The following GRAMD1B variants were observed in gnomAD, a reference collection of about 807,000 sequenced individuals.
The protein encoded by GRAMD1B is protein Aster-B.
A neutral mutation model predicts 99.7 loss-of-function variants in GRAMD1B; 37 were observed. The observed-to-expected ratio is 0.37, with a 90% CI of 0.29 to 0.49. GRAMD1B has a LOEUF of 0.49. Ranked by LOEUF, GRAMD1B falls within the 20% of genes least tolerant of loss-of-function variation. The pLI is 0.98. For synonymous variants in GRAMD1B, 427 were observed against 387.6 expected (o/e 1.10, Z -1.19); for missense variants, 888 against 1,009.2 (o/e 0.88, Z 1.63).
intron 1 of GRAMD1B, among the ~76,000 whole-genome samples, chr11:123,423,670 T>C (rs1318327967): frequency 6.6e-6 from 1 of 152,216 alleles, no homozygotes; most frequent in African/African-American, 2.4e-5. Flanking sequence ...GTCTTTCTTC[T>C]GCCTGACTTC....
At chr11:123,576,458 A>G (rs1046143688) in intron 2 of GRAMD1B, among the ~76,000 whole-genome samples, 1 of 152,192 alleles carries the variant, frequency 6.6e-6, no homozygotes, top group Non-Finnish European at 1.5e-5. Context: ...CAAAGCAAAC[A>G]TTCAACTGCA....
intron 1 of GRAMD1B, among the ~76,000 whole-genome samples, chr11:123,379,984 A>G (rs1169768260): frequency 6.6e-6 from 1 of 152,166 alleles, no homozygotes; most frequent in Non-Finnish European, 1.5e-5. Context: ...ATTTGTATCT[A>G]TTCTTTTGAG....
At chr11:123,453,300 A>G (rs1004800552) in intron 1 of GRAMD1B, among the ~76,000 whole-genome samples, 5 of 151,838 alleles carry the variant, frequency 3.3e-5, no homozygotes, top group African/African-American at 1.2e-4. Flanking sequence ...AAATATAAGT[A>G]TATATGTATA....
At chr11:123,440,342 CTCTACTAAA>C (rs1949349572) in intron 1 of GRAMD1B, among the ~76,000 whole-genome samples, 1 of 152,090 alleles carries the variant, frequency 6.6e-6, no homozygotes, top group Non-Finnish European at 1.5e-5. Flanking sequence ...GAAACCCCGT[CTCTACTAAA>C]ATACAAAAAT....
chr11:123,481,562 G>A (rs1030412338), intron 2 of GRAMD1B, among the ~76,000 whole-genome samples: 2 of 152,238 alleles, frequency 1.3e-5, no homozygotes, highest in Non-Finnish European at 2.9e-5. Flanking sequence ...TTTTGTGCCT[G>A]AGGAAGCTGC....
At chr11:123,413,330 A>G (rs1447165336) in intron 1 of GRAMD1B, among the ~76,000 whole-genome samples, 2 of 152,096 alleles carry the variant, frequency 1.3e-5, no homozygotes, top group African/African-American at 4.8e-5. Flanking sequence ...TATTCTGTCC[A>G]TGGGAGAGAT....
At chr11:123,390,028 A>G (rs565128248) in intron 1 of GRAMD1B, among the ~76,000 whole-genome samples, 1 of 152,116 alleles carries the variant, frequency 6.6e-6, no homozygotes, top group South Asian at 2.1e-4. Flanking sequence ...AAGTGCTGGG[A>G]TTACAGGTGT....
chr11:123,582,579 G>A (rs1268361953), intron 3 of GRAMD1B, among the ~76,000 whole-genome samples: 1 of 152,110 alleles, frequency 6.6e-6, no homozygotes, highest in African/African-American at 2.4e-5. Flanking sequence ...CCTGGCCATC[G>A]AGGGCATGTG....
At chr11:123,382,219 T>C (rs931517507) in intron 1 of GRAMD1B, among the ~76,000 whole-genome samples, 1 of 152,146 alleles carries the variant, frequency 6.6e-6, no homozygotes, top group African/African-American at 2.4e-5. Context: ...TAAATTAGGT[T>C]CCTAATCACA....
intron 1 of GRAMD1B, among the ~76,000 whole-genome samples, chr11:123,379,967 A>G (rs1476391544): frequency 6.6e-6 from 1 of 152,170 alleles, no homozygotes; most frequent in African/African-American, 2.4e-5. Flanking sequence ...AAATGTACTT[A>G]TCGACCATTT....
chr11:123,533,113 G>A (rs892310805), intron 2 of GRAMD1B, among the ~76,000 whole-genome samples: 11 of 152,184 alleles, frequency 7.2e-5, no homozygotes, highest in Admixed American at 5.9e-4. Context: ...GGGATTACAG[G>A]CATGCACCAC....
chr11:123,389,951 T>C (rs1263999102), intron 1 of GRAMD1B, among the ~76,000 whole-genome samples: 1 of 152,104 alleles, frequency 6.6e-6, no homozygotes, highest in Non-Finnish European at 1.5e-5. Context: ...GAGACAGGGT[T>C]TCACCATGTT....
intron 1 of GRAMD1B, among the ~76,000 whole-genome samples, chr11:123,409,715 C>A (rs961359626): frequency 3.3e-5 from 5 of 152,120 alleles, no homozygotes; most frequent in Admixed American, 2.0e-4. Context: ...TTCCTGCAAA[C>A]AAGGGCCTGT....
At chr11:123,616,756 G>T (rs1001545) in intron 17 of GRAMD1B, among the ~76,000 whole-genome samples, 50,878 of 152,130 alleles carry the variant, frequency 0.33, 9,859 homozygotes, top group South Asian at 0.5. Flanking sequence ...CAACTGCGCA[G>T]GCTTCACTTA....
intron 3 of GRAMD1B, among the ~76,000 whole-genome samples, chr11:123,583,031 AATGT>A (rs1949564557): frequency 1.3e-5 from 2 of 148,616 alleles, no homozygotes; most frequent in Non-Finnish European, 3.0e-5. Flanking sequence ...TATGTGTGTG[AATGT>A]ATGTGTGTAT....
At chr11:123,367,700 T>C (rs1203630484) in intron 1 of GRAMD1B, among the ~76,000 whole-genome samples, 1 of 152,092 alleles carries the variant, frequency 6.6e-6, no homozygotes, top group Non-Finnish European at 1.5e-5. Flanking sequence ...TTTTTCTTTT[T>C]TTTTTTTAGC....
intron 7 of GRAMD1B, chr11:123,599,496 G>A (rs527815319): frequency 7.1e-5 from 41 of 573,924 alleles, no homozygotes; most frequent in East Asian, 1.2e-4. Flanking sequence ...TTTTTGAGGC[G>A]CAGTCTCACT....
At chr11:123,444,635 A>AT (rs1949556498) in intron 1 of GRAMD1B, among the ~76,000 whole-genome samples, 1 of 151,670 alleles carries the variant, frequency 6.6e-6, no homozygotes, top group African/African-American at 2.4e-5. Context: ...AGTGGTGTCC[A>AT]TTCAGTCAGC....
chr11:123,536,134 T>A (rs1943944654), intron 2 of GRAMD1B, among the ~76,000 whole-genome samples: 1 of 152,142 alleles, frequency 6.6e-6, no homozygotes, highest in South Asian at 2.1e-4. Context: ...AATGTGGTTG[T>A]CCAGGCGTGG....
Sources: gnomAD v4.1 joint callset for allele counts (sites outside exome capture counted in the v4.1 genomes callset) on GRCh38, gnomAD v4.1.1 for gene constraint, MANE v1.5 for transcripts, NCBI Gene and HGNC (gene_info 2026-07-23, HGNC 2026-07-21) for gene names.